Variants in MDN1 observed in about 807,000 individuals in gnomAD.
The protein encoded by MDN1 is midasin AAA ATPase 1.
In MDN1, 266 loss-of-function variants were observed where a neutral mutation model predicts 669.2. The observed-to-expected ratio is 0.40, with a 90% CI of 0.36 to 0.44. MDN1 has a LOEUF of 0.44. Among genes scored for constraint, MDN1 ranks in the 20% least tolerant of loss-of-function variants. The probability of loss-of-function intolerance (pLI) is 1.00; values close to 1 mark genes in which losing one functional copy is unlikely to be tolerated. For synonymous variants in MDN1, 2,385 were observed against 2,457.1 expected, an observed-to-expected ratio of 0.97 and a Z score of 0.87; for missense variants, 5,940 against 6,754.0, an observed-to-expected ratio of 0.88 and a Z score of 4.22.
intron 86 of MDN1, 103 bp from the exon 87 acceptor site, chr6:89,662,342 A>C: frequency 8.4e-7 from 1 of 1,184,770 alleles, no homozygotes; most frequent in Non-Finnish European, 1.2e-6. Context: ...TATTGGACCT[A>C]TCCCATGGAT....
intron 42 of MDN1, 38 bp from the exon 43 acceptor site, chr6:89,718,665 AG>A: frequency 6.2e-7 from 1 of 1,609,350 alleles, no homozygotes; most frequent in Non-Finnish European, 8.5e-7. Context: ...TCATAGGGTC[AG>A]AGAATACTGT....
intron 59 of MDN1, 28 bp downstream of exon 59, chr6:89,698,837 C>T (rs758646126): frequency 3.1e-6 from 5 of 1,611,098 alleles, no homozygotes; most frequent in South Asian, 1.1e-5. Context: ...CACTATCAAA[C>T]ATTTTTTATA....
intron 53 of MDN1, among the ~76,000 whole-genome samples, chr6:89,704,356 T>C (rs1813383459): frequency 6.6e-6 from 1 of 152,164 alleles, no homozygotes; most frequent in East Asian, 1.9e-4. Context: ...CATTCCAGCA[T>C]GGGCGACAGA....
intron 90 of MDN1, 126 bp from the exon 91 acceptor site, chr6:89,656,927 C>A: frequency 1.3e-6 from 1 of 762,282 alleles, no homozygotes; most frequent in Non-Finnish European, 2.1e-6. Context: ...ATCACTCCTG[C>A]CTACCTGCCT....
chr6:89,648,384 C>T, intron 97 of MDN1, 55 bp from the exon 98 acceptor site: 2 of 1,517,844 alleles, frequency 1.3e-6, no homozygotes, highest in South Asian at 2.3e-5. Flanking sequence ...TAAACCAGAG[C>T]CTCTCAACTA....
Position 89,740,343 on chromosome 6 carries a change from T to C in MDN1, c.4484A>G (p.Glu1495Gly). ...ATCCTTGTCCTCTGGACTGCCTTTT[T>C]CAGCTAATACCAGAGACTTTTCTAC... is the stretch of plus-strand genomic sequence containing the variant. Reference protein sequence around the residue: ...LEVEKSLVLAEKGSPEDKDSE... With the variant: ...LEVEKSLVLAGKGSPEDKDSE... The change falls in exon 32 of 102, where the codon GAA (glutamate) becomes GGA (glycine). Residue 1495 changes from glutamate (E) to glycine (G), a missense_variant. Glu to Gly is a moderately conservative substitution (Grantham distance 98, BLOSUM62 -2). This residue lies in a region of MDN1 where 2,292 missense variants were observed against 2,638.3 expected (regional missense o/e 0.87). Coordinates refer to ENST00000369393, the MANE Select transcript of MDN1 (RefSeq NM_014611.3). The C allele has an allele frequency of 4.4e-6, 7 of 1,593,334 alleles. No homozygotes were observed. The highest frequency in any genetic ancestry group is 6.0e-6 in the Non-Finnish European group (7 of 1,174,384).
Position 89,716,761 on chromosome 6 carries a change from G to C in MDN1, c.6632C>G (p.Thr2211Arg), listed in dbSNP as rs759235545. Residue 2211 changes from threonine to arginine, a missense_variant, in exon 44 of 102, where the codon ACG becomes AGG. Thr to Arg is a moderately conservative substitution (Grantham distance 71, BLOSUM62 -1). Transcript: ENST00000369393. Reference sequence around the variant, plus strand: ...ATGGCTATGGCCACTGGCCAACTGCGTAAGCTTCACACCAAAGCTTCGGAA... The same window carrying C: ...ATGGCTATGGCCACTGGCCAACTGCCTAAGCTTCACACCAAAGCTTCGGAA... Reference protein sequence around the residue: ...EEFRSFGVKLTQLASGHSHGT... With the variant: ...EEFRSFGVKLRQLASGHSHGT... The C allele has an allele frequency of 7.4e-6, 12 of 1,613,382 alleles. No homozygotes were observed. The highest frequency in any genetic ancestry group is 1.0e-5 in the Non-Finnish European group (12 of 1,179,768).
At chr6:89,772,531 T>C in intron 14 of MDN1, 42 bp downstream of exon 14, 1 of 1,592,072 alleles carries the variant, frequency 6.3e-7, no homozygotes, top group Non-Finnish European at 8.6e-7. Flanking sequence ...AAGTAGTCAG[T>C]GTGAAATATC....
chr6:89,645,128 C>G lies in MDN1; in HGVS notation c.16489G>C (p.Asp5497His). Residue 5497 changes from aspartate to histidine, a missense_variant, in exon 101 of 102, where the codon GAT (aspartate) becomes CAT (histidine). By Grantham distance (81) the Asp-to-His change is moderately conservative. Transcript: ENST00000369393. ...CCCTCAAGGAAAAGGCCTCGCCCAT[C>G]AGAGACTACCAGGAGGAGTTGTGCA... ...ETAQLLLVVS[D>H]GRGLFLEGKE... The G allele has an allele frequency of 6.2e-7, 1 of 1,609,622 alleles. No homozygotes were observed. Among genetic ancestry groups the G allele is most frequent in the Non-Finnish European group, 8.5e-7 (1 of 1,176,190 alleles).
intron 17 of MDN1, among the ~76,000 whole-genome samples, chr6:89,760,972 A>G (rs1817513698): frequency 6.6e-6 from 1 of 152,162 alleles, no homozygotes; most frequent in African/African-American, 2.4e-5. Context: ...CATCCTGGCT[A>G]ACACGGTGAA....
chr6:89,781,292 A>T, intron 10 of MDN1, 107 bp downstream of exon 10: 1 of 1,064,040 alleles, frequency 9.4e-7, no homozygotes, highest in Non-Finnish European at 1.4e-6. Flanking sequence ...CGGAGGTTGG[A>T]GTGAGCCAAA....
At chr6:89,727,253 C>T (rs548628009) in intron 37 of MDN1, among the ~76,000 whole-genome samples, 13 of 152,268 alleles carry the variant, frequency 8.5e-5, no homozygotes, top group South Asian at 8.3e-4. Context: ...ACCTGTGACA[C>T]GTACATCACT....
At chr6:89,788,036 C>T in intron 7 of MDN1, 79 bp from the exon 8 acceptor site, 1 of 1,233,472 alleles carries the variant, frequency 8.1e-7, no homozygotes, top group African/African-American at 1.5e-5. Context: ...AACCCTCTCT[C>T]AAAATGACAG....
At chr6:89,667,526 TG>T (rs1361158015) in intron 84 of MDN1, among the ~76,000 whole-genome samples, 1 of 152,172 alleles carries the variant, frequency 6.6e-6, no homozygotes, top group Non-Finnish European at 1.5e-5. Context: ...ATCCAAGCAA[TG>T]TAACAATCTT....
In MDN1 at chr6:89,662,845, CTTCCTCCTCA is replaced by C; in HGVS notation, c.14349_14358del (p.Asp4783GlufsTer68). On this transcript the variant is annotated frameshift_variant, in exon 86 of 102. Coordinates refer to ENST00000369393, the MANE Select transcript of MDN1 (RefSeq NM_014611.3). LOFTEE classifies it high-confidence loss of function. ...GTTTTATTGTCTTCTTCCTCCTCAT[CTTCCTCCTCA>C]TCATCATCACCCCAAAGCCTCTCAT... The C allele has an allele frequency of 6.2e-7, 1 of 1,613,982 alleles. No individual in the cohort carries two copies. Among genetic ancestry groups the C allele is most frequent in the Non-Finnish European group, 8.5e-7 (1 of 1,179,938 alleles).
chr6:89,728,089 T>A, intron 36 of MDN1, 134 bp from the exon 37 acceptor site: 1 of 1,057,490 alleles, frequency 9.5e-7, no homozygotes, highest in Non-Finnish European at 1.3e-6. Context: ...AAGATAGAAC[T>A]AACCAATCCC....
chr6:89,794,904 T>C, intron 2 of MDN1, 103 bp from the exon 3 acceptor site: 1 of 917,454 alleles, frequency 1.1e-6, no homozygotes, highest in Non-Finnish European at 1.7e-6. Context: ...ATTTTCAACT[T>C]AAGCTATTTT....
chr6:89,814,364 G>C (rs1768662854), intron 1 of MDN1, among the ~76,000 whole-genome samples: 1 of 150,950 alleles, frequency 6.6e-6, no homozygotes, highest in South Asian at 2.1e-4. Flanking sequence ...AAGTATTTCA[G>C]GTGTTCTTTA....
chr6:89,744,672 G>A (rs1482810302), intron 29 of MDN1, among the ~76,000 whole-genome samples: 4 of 151,910 alleles, frequency 2.6e-5, no homozygotes, highest in Non-Finnish European at 4.4e-5. Context: ...CAAAGTTCTG[G>A]GATTACAGGC....
Sources: gnomAD v4.1 joint callset for allele counts (sites outside exome capture counted in the v4.1 genomes callset) on GRCh38, gnomAD v4.1.1 for gene constraint, gnomAD v4.1.1 regional missense constraint, MANE v1.5 for transcripts, NCBI Gene and HGNC (gene_info 2026-07-23, HGNC 2026-07-21) for gene names.